FHOD3: variants seen among roughly 807,000 people sequenced by gnomAD.
FHOD3 encodes the protein formin homology 2 domain containing 3, also known as FH1/FH2 domain-containing protein 3.
In FHOD3, 90 loss-of-function variants were observed where a neutral mutation model predicts 173.0. The ratio of observed to expected loss-of-function variants is 0.52; its 90% CI spans 0.44 to 0.62. The LOEUF (loss-of-function observed/expected upper bound fraction) is 0.62, where lower values mean the gene tolerates loss of function less well. FHOD3 is among the 20% of genes least tolerant of loss of function. The pLI is 0.00. For missense variants in FHOD3, 1,945 were observed against 2,034.7 expected (o/e 0.96, Z 0.85); for synonymous variants, 828 against 823.0 (o/e 1.01, Z -0.10).
intron 28 of FHOD3, among the ~76,000 whole-genome samples, chr18:36,773,415 G>A (rs1051596372): frequency 3.3e-5 from 5 of 152,224 alleles, no homozygotes; most frequent in African/African-American, 4.8e-5. Flanking sequence ...GCACCTGACC[G>A]AAGGATGTTT....
rs889141270 is a variant in FHOD3, at chr18:36,389,188, AGAAGAAGAAGAG to A, written c.337+16461_337+16472del. Among the ~76,000 whole-genome samples the A allele has an allele frequency of 3.3e-5, 5 of 151,976 alleles. No individual in the cohort carries two copies. In the South Asian group the frequency reaches 6.2e-4, roughly 19 times the overall value. On this transcript the variant is annotated intron_variant, in intron 3 of 28. Transcript: ENST00000590592. ...TGCATTGATGCTTCAAAAAAAAAGA[AGAAGAAGAAGAG>A]GAAGAAGAAGAGGAAGTCAGAGTAG...
At chr18:36,570,718 A>C (rs888089583) in intron 5 of FHOD3, among the ~76,000 whole-genome samples, 5 of 152,164 alleles carry the variant, frequency 3.3e-5, no homozygotes, top group Non-Finnish European at 5.9e-5. Context: ...TGAGTATTTG[A>C]AATTCAGTTA....
intron 3 of FHOD3, among the ~76,000 whole-genome samples, chr18:36,479,848 G>C (rs901415998): frequency 6.6e-6 from 1 of 152,008 alleles, no homozygotes; most frequent in African/African-American, 2.4e-5. Context: ...CTGATGCCCT[G>C]CCACGCATTT....
At chr18:36,775,430 C>T (rs2043585304) in intron 28 of FHOD3, among the ~76,000 whole-genome samples, 1 of 152,136 alleles carries the variant, frequency 6.6e-6, no homozygotes, top group Non-Finnish European at 1.5e-5. Context: ...GACTGTGATC[C>T]AAAGTCGGCT....
intron 17 of FHOD3, among the ~76,000 whole-genome samples, chr18:36,696,000 G>A (rs901284099): frequency 6.6e-6 from 1 of 152,140 alleles, no homozygotes; most frequent in African/African-American, 2.4e-5. Flanking sequence ...AACGTGCCAG[G>A]GATTGCCTTG....
chr18:36,454,441 A>G (rs546754049), intron 3 of FHOD3, among the ~76,000 whole-genome samples: 2 of 152,270 alleles, frequency 1.3e-5, no homozygotes, highest in South Asian at 4.1e-4. Flanking sequence ...TATAGTTACA[A>G]ATCTAGTGTT....
chr18:36,380,456 A>ACTCCCTTCCTCCCT (rs2047684188), intron 3 of FHOD3, among the ~76,000 whole-genome samples: 1 of 54,504 alleles, frequency 1.8e-5, no homozygotes, highest in African/African-American at 6.9e-5. Flanking sequence ...TCCCTCCCTC[A>ACTCCCTTCCTCCCT]CTCCCTTCCT....
chr18:36,762,957 T>C (rs1238558454), intron 27 of FHOD3, among the ~76,000 whole-genome samples: 13 of 113,840 alleles, frequency 1.1e-4, no homozygotes, highest in African/African-American at 3.8e-4. Flanking sequence ...GTGTATTATA[T>C]ACGTTATATA....
intron 1 of FHOD3, 37 bp downstream of exon 1, chr18:36,298,037 C>A: frequency 7.0e-7 from 1 of 1,436,040 alleles, no homozygotes; most frequent in Non-Finnish European, 9.1e-7. Flanking sequence ...CCCCTGGACT[C>A]AGCCCCCTGC....
At chr18:36,546,739 A>G (rs751990345) in intron 5 of FHOD3, among the ~76,000 whole-genome samples, 2 of 152,184 alleles carry the variant, frequency 1.3e-5, no homozygotes, top group African/African-American at 2.4e-5. Context: ...CCCACTGCAC[A>G]TCATGCATTT....
chr18:36,592,509 C>T (rs541708497), intron 6 of FHOD3, among the ~76,000 whole-genome samples: 26 of 152,302 alleles, frequency 1.7e-4, no homozygotes, highest in Non-Finnish European at 8.8e-5. Flanking sequence ...GAGGGCTTGG[C>T]GGAGGCCAGC....
chr18:36,559,129 G>T (rs1417418024), intron 5 of FHOD3, among the ~76,000 whole-genome samples: 1 of 152,146 alleles, frequency 6.6e-6, no homozygotes, highest in African/African-American at 2.4e-5. Flanking sequence ...ACTTACTCCT[G>T]GTCTTTGACA....
At position 36,671,645 on chromosome 18, in the gene FHOD3, C is replaced by T. The variant is rs373469896; in HGVS notation, c.1836-9791C>T. 2.7e-3 allele frequency among the ~76,000 whole-genome samples: 411 copies of T among 152,328 alleles called. 1 individual carries two copies. Among genetic ancestry groups the T allele is most frequent in the Non-Finnish European group, 4.9e-3 (334 of 68,030 alleles). On this transcript the variant is annotated intron_variant, in intron 14 of 28. Transcript: ENST00000590592. ...AGAGAGACAAAAGAAAAAAGCAACA[C>T]GAAAGTGATAGGTTTCATTGTCCAT...
intron 6 of FHOD3, among the ~76,000 whole-genome samples, chr18:36,586,507 C>G (rs1238392080): frequency 6.7e-6 from 1 of 148,622 alleles, no homozygotes; most frequent in African/African-American, 2.5e-5. Flanking sequence ...TTTTTTGAGA[C>G]AGAGTCTCAC....
chr18:36,509,218 G>T (rs2055484325), intron 4 of FHOD3, among the ~76,000 whole-genome samples: 1 of 152,148 alleles, frequency 6.6e-6, no homozygotes, highest in Admixed American at 6.5e-5. Context: ...TAACTGCCAT[G>T]TATGAGTCTT....
chr18:36,439,593 A>G (rs1280215819), intron 3 of FHOD3, among the ~76,000 whole-genome samples: 1 of 146,588 alleles, frequency 6.8e-6, no homozygotes, highest in East Asian at 2.0e-4. Context: ...ATAAGAGGAG[A>G]CTTTTTATGT....
At chr18:36,632,658 C>CT (rs913153316) in intron 10 of FHOD3, among the ~76,000 whole-genome samples, 1 of 152,160 alleles carries the variant, frequency 6.6e-6, no homozygotes, top group Non-Finnish European at 1.5e-5. Flanking sequence ...TGTGTGTCCT[C>CT]TTTTTAACTG....
chr18:36,563,933 C>T (rs556866367), intron 5 of FHOD3, among the ~76,000 whole-genome samples: 5 of 152,238 alleles, frequency 3.3e-5, no homozygotes, highest in Admixed American at 2.0e-4. Context: ...CTCGTCTCTA[C>T]ACCTTGTGTT....
chr18:36,649,434 A>G (rs1025555483), intron 11 of FHOD3, 29 bp downstream of exon 11: 4 of 1,504,426 alleles, frequency 2.7e-6, no homozygotes, highest in Non-Finnish European at 3.6e-6. Context: ...TCCCAAGCTC[A>G]CACTAAAAGT....
Sources: gnomAD v4.1 joint callset for allele counts (sites outside exome capture counted in the v4.1 genomes callset) on GRCh38, gnomAD v4.1.1 for gene constraint, MANE v1.5 for transcripts, NCBI Gene and HGNC (gene_info 2026-07-23, HGNC 2026-07-21) for gene names.